NUP214: variants seen among roughly 807,000 people sequenced by gnomAD.
NUP214 encodes the protein nuclear pore complex protein Nup214.
A neutral mutation model predicts 196.2 loss-of-function variants in NUP214; 79 were observed. The observed-to-expected ratio is 0.40, with a 90% CI of 0.34 to 0.49. NUP214 has a LOEUF of 0.49. NUP214 is among the 20% of genes least tolerant of loss of function. The pLI, the probability that NUP214 is intolerant of heterozygous loss-of-function variation, is 0.58. For synonymous variants in NUP214, 1,020 were observed against 990.5 expected (o/e 1.03, Z -0.56); for missense variants, 2,468 against 2,539.0 (o/e 0.97, Z 0.60).
intron 21 of NUP214, among the ~76,000 whole-genome samples, chr9:131,168,852 G>T (rs1330485406): frequency 2.0e-5 from 3 of 151,920 alleles, no homozygotes; most frequent in Non-Finnish European, 2.9e-5. Context: ...GCTTAGCAGG[G>T]CCACTTTTAT....
chr9:131,215,519 T>C (rs1198851719), intron 31 of NUP214, 151 bp downstream of exon 31: 7 of 921,258 alleles, frequency 7.6e-6, no homozygotes, highest in Non-Finnish European at 9.0e-6. Flanking sequence ...GTGATCTGTT[T>C]TGCTTTTTTA....
Position 131,198,941 on chromosome 9 carries a change from GCT to G in NUP214, c.5450_5451del (p.Ser1817CysfsTer28). On this transcript the variant is annotated frameshift_variant, in exon 29 of 36. Transcript: ENST00000359428. LOFTEE classifies it high-confidence loss of function. ...CAGAGTCCTGGCTTTGGACAGGGAG[GCT>G]CTGTCTTTGGTGGTACCTCAGCTGC... The G allele has an allele frequency of 6.2e-7, 1 of 1,614,164 alleles. No individual in the cohort carries two copies. Among genetic ancestry groups the G allele is most frequent in the Non-Finnish European group, 8.5e-7 (1 of 1,180,022 alleles).
chr9:131,190,411 C>G (rs1379830967), intron 26 of NUP214: 1 of 683,834 alleles, frequency 1.5e-6, no homozygotes, highest in Admixed American at 2.2e-5. Context: ...TTCCGAGATT[C>G]ACCATTCATT....
At chr9:131,207,171 G>A (rs116018964) in intron 30 of NUP214, among the ~76,000 whole-genome samples, 7,176 of 152,260 alleles carry the variant, frequency 0.047, 256 homozygotes, top group African/African-American at 0.1. Flanking sequence ...TGATGTAGAA[G>A]TCACACTTAC....
At chr9:131,170,182 T>TA (rs1215637314) in intron 21 of NUP214, among the ~76,000 whole-genome samples, 1 of 151,700 alleles carries the variant, frequency 6.6e-6, no homozygotes, top group Non-Finnish European at 1.5e-5. Context: ...TTTACCACAA[T>TA]AAAAAAATAA....
At chr9:131,197,188 C>G in intron 28 of NUP214, 28 bp from the exon 29 acceptor site, 1 of 1,605,610 alleles carries the variant, frequency 6.2e-7, no homozygotes. Flanking sequence ...TAAATCCAAC[C>G]CATTTTCTGA....
intron 17 of NUP214, among the ~76,000 whole-genome samples, chr9:131,152,540 C>A (rs1351876962): frequency 1.3e-5 from 2 of 151,886 alleles, no homozygotes; most frequent in Non-Finnish European, 2.9e-5. Context: ...GCAACTATTT[C>A]TTGAGTGCCA....
intron 17 of NUP214, among the ~76,000 whole-genome samples, chr9:131,154,528 C>T (rs970190754): frequency 2.0e-5 from 3 of 152,168 alleles, no homozygotes; most frequent in African/African-American, 7.2e-5. Flanking sequence ...GATCTTGGCT[C>T]ACTGCATCCT....
chr9:131,209,912 C>T (rs551569323), intron 30 of NUP214, among the ~76,000 whole-genome samples: 1 of 152,014 alleles, frequency 6.6e-6, no homozygotes, highest in South Asian at 2.1e-4. Context: ...GTGATACTTC[C>T]TCTTGCCTCC....
At chr9:131,126,118 T>G in intron 1 of NUP214, 1 of 266,394 alleles carries the variant, frequency 3.8e-6, no homozygotes, top group Non-Finnish European at 7.3e-6. Flanking sequence ...GGAAAGTAAT[T>G]TCCCTAAAGT....
intron 27 of NUP214, 94 bp from the exon 28 acceptor site, chr9:131,195,139 C>T (rs1435833082): frequency 1.5e-5 from 13 of 850,536 alleles, no homozygotes; most frequent in Admixed American, 2.3e-5. Context: ...TTCCTGAGGG[C>T]GGTTTGTATG....
rs371986910 is a variant in NUP214 at position 131,147,562 on chromosome 9, C to T, written c.2018C>T (p.Ala673Val). The change falls in exon 14 of 36, where the codon GCG (alanine) becomes GTG (valine). Residue 673 changes from alanine to valine, a missense_variant. Physicochemically the swap from Ala to Val is moderately conservative, Grantham distance 64 (BLOSUM62 0). Around this residue, in one of 5 missense-constraint regions of NUP214, gnomAD observed 1,801 missense variants for 1,779.4 expected, o/e 1.01. Transcript: ENST00000359428. ...VQKSPRITPP[A>V]AKPGSPQAKS... ...AAATCACCCAGGATAACCCCTCCAG[C>T]GGCAAAGCCAGGCTCTCCCCAGGTA... 37 of 1,613,662 alleles carry T rather than the reference C, an allele frequency of 2.3e-5. No individual in the cohort carries two copies. The highest frequency in any genetic ancestry group is 2.7e-5 in the Non-Finnish European group (32 of 1,179,698).
chr9:131,197,320 G>A lies in NUP214; in HGVS notation c.3826G>A (p.Gly1276Arg). Residue 1276 changes from glycine to arginine, a missense_variant, in exon 29 of 36, where the codon GGA becomes AGA. Transcript: ENST00000359428. ...EAIPESSPPS[G>R]ITSASNTTPG... The stretch of plus-strand genomic sequence containing the variant: ...CATTCCTGAAAGCTCACCTCCCTCA[G>A]GAATCACATCCGCATCAAACACCAC... 6.2e-7 allele frequency: 1 copy of A among 1,614,154 alleles called. No homozygotes were observed. Among genetic ancestry groups the A allele is most frequent in the Non-Finnish European group, 8.5e-7 (1 of 1,180,026 alleles).
At chr9:131,181,839 T>G (rs1386999879) in intron 24 of NUP214, among the ~76,000 whole-genome samples, 4 of 152,256 alleles carry the variant, frequency 2.6e-5, no homozygotes, top group African/African-American at 9.6e-5. Flanking sequence ...CTATTTTTTC[T>G]TTTGTTGCTT....
At position 131,144,464 on chromosome 9, in the gene NUP214, TACGG is replaced by T; in HGVS notation, c.1480_1483del (p.Thr494SerfsTer36). The T allele has an allele frequency of 1.9e-6, 3 of 1,614,186 alleles. No individual in the cohort carries two copies. Among genetic ancestry groups the T allele is most frequent in the Non-Finnish European group, 1.7e-6 (2 of 1,180,036 alleles). ...GTTCTTCATCTTTGAAGTCATCTGC[TACGG>T]TCACTGGGGAGCCCCCTTCATATTC... On this transcript the variant is annotated frameshift_variant, in exon 12 of 36. Coordinates refer to ENST00000359428, the MANE Select transcript of NUP214 (RefSeq NM_005085.4). LOFTEE classifies it high-confidence loss of function.
In NUP214 at chr9:131,146,173, G is replaced by T; in HGVS notation, c.1814G>T (p.Ser605Ile). ...ATSTPVSSSQ[S>I]APPMSPFSSA... ...TCTACTCCTGTTAGTAGCTCCCAGA[G>T]CGCACCCCCGATGTCGCCATTCTCT... Residue 605 changes from serine to isoleucine, a missense_variant, in exon 13 of 36, where the codon AGC becomes ATC. By Grantham distance (142) the Ser-to-Ile change is moderately radical. This residue lies in a region of NUP214 where 1,801 missense variants were observed against 1,779.4 expected (regional missense o/e 1.01). Coordinates refer to ENST00000359428, the MANE Select transcript of NUP214 (RefSeq NM_005085.4). The surrounding 1 kb of genome is among the most constrained non-coding windows in gnomAD (Gnocchi z 4.6). The T allele has an allele frequency of 1.2e-6, 2 of 1,614,112 alleles. No homozygotes were observed. Among genetic ancestry groups the T allele is most frequent in the Non-Finnish European group, 1.7e-6 (2 of 1,180,024 alleles).
rs1208742829 is a variant in NUP214 at position 131,192,415 on chromosome 9, T to C, written c.3659+123T>C. ...GAACCCAGAGTTCTTACCGTGGCAG[T>C]AATACATGTGATGATAGTGGCAATA... On this transcript the variant is annotated intron_variant, in intron 27 of 35. Coordinates refer to ENST00000359428, the MANE Select transcript of NUP214 (RefSeq NM_005085.4). 1.5e-5 allele frequency: 8 copies of C among 536,166 alleles called. No individual in the cohort carries two copies. In the East Asian group the frequency reaches 2.6e-4, roughly 17 times the overall value. The allele number at this position is 536,166 out of a possible 1,614,324, so 33.2% of individuals were successfully genotyped here.
intron 9 of NUP214, among the ~76,000 whole-genome samples, chr9:131,138,747 G>T (rs1175802827): frequency 6.6e-6 from 1 of 152,226 alleles, no homozygotes; most frequent in South Asian, 2.1e-4. Flanking sequence ...TGAGGAACTG[G>T]TACCAAGAAC....
At chr9:131,226,269 C>T (rs1305914338) in intron 32 of NUP214, among the ~76,000 whole-genome samples, 1 of 152,164 alleles carries the variant, frequency 6.6e-6, no homozygotes, top group African/African-American at 2.4e-5. Flanking sequence ...AAATTTGTTT[C>T]TTCTGGAGAA....
Sources: allele counts gnomAD v4.1 joint callset (sites outside exome capture counted in the v4.1 genomes callset), GRCh38; gene constraint gnomAD v4.1.1; regional missense constraint gnomAD v4.1.1; non-coding constraint Gnocchi (gnomAD v3.1); transcripts MANE v1.5; gene names NCBI Gene and HGNC (gene_info 2026-07-23, HGNC 2026-07-21).